TEX9: variants seen among roughly 807,000 people sequenced by gnomAD.
TEX9 encodes the protein testis-expressed protein 9.
A neutral mutation model predicts 59.6 loss-of-function variants in TEX9; 74 were observed. The observed-to-expected ratio is 1.24, with a 90% CI of 1.03 to 1.51. The LOEUF is 1.51. Among genes scored for constraint, TEX9 ranks in the 40% most tolerant of loss-of-function variants. The probability of loss-of-function intolerance (pLI) is 0.00; values close to 1 mark genes in which losing one functional copy is unlikely to be tolerated. For synonymous variants in TEX9, 186 were observed against 152.2 expected (o/e 1.22, Z -1.64); for missense variants, 522 against 447.8 (o/e 1.17, Z -1.49).
chr15:56,268,272 A>G (rs2044438048), intron 1 of TEX9, among the ~76,000 whole-genome samples: 1 of 152,226 alleles, frequency 6.6e-6, no homozygotes, highest in Non-Finnish European at 1.5e-5. Context: ...ATCTGCAAAC[A>G]GGGACAATTT....
intron 9 of TEX9, among the ~76,000 whole-genome samples, chr15:56,405,932 T>G (rs886261791): frequency 2.6e-5 from 4 of 152,218 alleles, no homozygotes; most frequent in Non-Finnish European, 4.4e-5. Flanking sequence ...CTGTTAGTGA[T>G]TTCTTTAAAA....
intron 12 of TEX9, among the ~76,000 whole-genome samples, chr15:56,442,906 AAAAG>A: frequency 6.6e-6 from 1 of 151,926 alleles, no homozygotes; most frequent in East Asian, 1.9e-4. Flanking sequence ...TGGAAAGAGA[AAAAG>A]AAAAAAAAAA....
Position 56,323,664 on chromosome 15 carries a change from AG to A in TEX9, c.-106-49775del, listed in dbSNP as rs569987395. On this transcript the variant is annotated intron_variant, in intron 1 of 5. Coordinates refer to the TEX9 transcript ENST00000560827. ...AAGGAGGAAGAGGAACAAGATGAAG[AG>A]GAGGAAGAGGAAGAGGAAGAAGAAG... is the stretch of plus-strand genomic sequence containing the variant. 3.1e-3 allele frequency: 485 copies of A among 155,580 alleles called. 5 individuals are homozygous for A. Among genetic ancestry groups the A allele is most frequent in the Admixed American group, 0.026 (398 of 15,176 alleles). The allele number at this position is 155,580 out of a possible 1,614,324, so 9.6% of individuals were successfully genotyped here.
At chr15:56,336,163 A>G (rs1366939182) in intron 1 of TEX9, among the ~76,000 whole-genome samples, 3 of 152,120 alleles carry the variant, frequency 2.0e-5, no homozygotes, top group Non-Finnish European at 2.9e-5. Context: ...TCATATCCCC[A>G]TAATCTCAAC....
At chr15:56,353,518 G>T (rs2046625584) in intron 1 of TEX9, among the ~76,000 whole-genome samples, 1 of 152,116 alleles carries the variant, frequency 6.6e-6, no homozygotes, top group Non-Finnish European at 1.5e-5. Flanking sequence ...GTGAATAATA[G>T]CTTCTTTTAA....
chr15:56,423,927 C>A (rs1430242695), intron 10 of TEX9, among the ~76,000 whole-genome samples: 2 of 152,116 alleles, frequency 1.3e-5, no homozygotes, highest in Non-Finnish European at 2.9e-5. Flanking sequence ...ACCCTTCCCC[C>A]ACAAGTCCCT....
At chr15:56,307,480 C>T (rs987591520) in intron 1 of TEX9, among the ~76,000 whole-genome samples, 3 of 152,188 alleles carry the variant, frequency 2.0e-5, no homozygotes, top group Non-Finnish European at 2.9e-5. Context: ...CAGGAAATAG[C>T]CTCAACTCTG....
chr15:56,414,307 CA>C (rs1385631609), intron 10 of TEX9, among the ~76,000 whole-genome samples: 1 of 151,484 alleles, frequency 6.6e-6, no homozygotes, highest in East Asian at 1.9e-4. Flanking sequence ...AAACAGGTGT[CA>C]TGGGGGTTTG....
chr15:56,437,685 T>C (rs1197501775), intron 12 of TEX9, among the ~76,000 whole-genome samples: 1 of 152,202 alleles, frequency 6.6e-6, no homozygotes, highest in Non-Finnish European at 1.5e-5. Flanking sequence ...TGTCCTTGTT[T>C]GCAGATGACA....
In TEX9 at chr15:56,318,027, G is replaced by A. The variant is rs534196281; in HGVS notation, c.-106-55414G>A. Among the ~76,000 whole-genome samples, 214 of 152,140 alleles carry A rather than the reference G, an allele frequency of 1.4e-3. 1 individual carries two copies. Among genetic ancestry groups the A allele is most frequent in the African/African-American group, 4.8e-3 (199 of 41,536 alleles). On this transcript the variant is annotated intron_variant, in intron 1 of 5. Coordinates refer to the TEX9 transcript ENST00000560827. Reference sequence around the variant, plus strand: ...GTTTATAGCATTTTTCAAATCTTCTGCTTTCTTGTTTATAGTCTATTGGTT... The same window carrying A: ...GTTTATAGCATTTTTCAAATCTTCTACTTTCTTGTTTATAGTCTATTGGTT...
At chr15:56,385,821 G>A (rs1473581103) in intron 4 of TEX9, among the ~76,000 whole-genome samples, 1 of 151,988 alleles carries the variant, frequency 6.6e-6, no homozygotes, top group Non-Finnish European at 1.5e-5. Context: ...AGCCCTACAG[G>A]GTTTAGAGAC....
rs750649443 is a variant in TEX9, at chr15:56,394,659, A to G, written c.655-2A>G. 1 of 1,563,050 alleles carries G rather than the reference A, an allele frequency of 6.4e-7. No individual in the cohort carries two copies. Among genetic ancestry groups the G allele is most frequent in the Non-Finnish European group, 8.8e-7 (1 of 1,139,886 alleles). On this transcript the variant is annotated splice_acceptor_variant, in intron 8 of 12. Coordinates refer to ENST00000352903, the Ensembl canonical transcript of TEX9. LOFTEE classifies it high-confidence loss of function. ...ACATAATCTATAACTTTATAACTAT[A>G]GGAGGATGAAATTCAGAATTTAAAG... is the stretch of plus-strand genomic sequence containing the variant.
intron 1 of TEX9, chr15:56,244,428 C>G (rs988036238): frequency 1.3e-5 from 2 of 152,344 alleles, no homozygotes; most frequent in Non-Finnish European, 2.9e-5. Flanking sequence ...CCCTCCAAAT[C>G]TGGCCCCACT....
chr15:56,269,512 T>TA (rs1386420288), intron 1 of TEX9, among the ~76,000 whole-genome samples: 4 of 152,202 alleles, frequency 2.6e-5, no homozygotes, highest in African/African-American at 7.2e-5. Context: ...GAGATTCTGG[T>TA]ACGTTATGCC....
At chr15:56,431,081 G>T (rs2050578913) in intron 12 of TEX9, among the ~76,000 whole-genome samples, 1 of 152,152 alleles carries the variant, frequency 6.6e-6, no homozygotes, top group South Asian at 2.1e-4. Context: ...GAATCACCGG[G>T]AGGCAGAGGT....
At chr15:56,308,797 T>C (rs2045539636) in intron 1 of TEX9, among the ~76,000 whole-genome samples, 1 of 152,188 alleles carries the variant, frequency 6.6e-6, no homozygotes, top group Non-Finnish European at 1.5e-5. Context: ...GGACGATTCA[T>C]TGAAATGATT....
chr15:56,266,803 T>C (rs2044396170), intron 1 of TEX9, among the ~76,000 whole-genome samples: 2 of 152,340 alleles, frequency 1.3e-5, no homozygotes, highest in South Asian at 4.1e-4. Context: ...GCATATGTCT[T>C]TATAGCAGCA....
In TEX9 at chr15:56,277,470, G is replaced by T. The variant is rs2044701139; in HGVS notation, c.-107+33192G>T. 2.6e-5 allele frequency among the ~76,000 whole-genome samples: 4 copies of T among 152,268 alleles called. No individual in the cohort carries two copies. The South Asian group carries it at 8.3e-4, about 32-fold the overall frequency. ...GGTTGTTTTTATCAGGTTTGTTGAA[G>T]ATCAGATGGTTGTAGATGTGTGGTG... On this transcript the variant is annotated intron_variant, in intron 1 of 5. Coordinates refer to the TEX9 transcript ENST00000560827.
At chr15:56,274,814 G>T (rs542201468) in intron 1 of TEX9, among the ~76,000 whole-genome samples, 1 of 152,120 alleles carries the variant, frequency 6.6e-6, no homozygotes, top group East Asian at 1.9e-4. Context: ...TTTTGCTGTT[G>T]CTGGGTTTGT....
Sources: allele counts gnomAD v4.1 joint callset (sites outside exome capture counted in the v4.1 genomes callset), GRCh38; gene constraint gnomAD v4.1.1; transcripts MANE v1.5; gene names NCBI Gene and HGNC (gene_info 2026-07-23, HGNC 2026-07-21).